LYRM4: variants seen among roughly 807,000 people sequenced by gnomAD.
LYRM4 encodes the protein LYR motif-containing protein 4.
A neutral mutation model predicts 11.7 loss-of-function variants in LYRM4; 9 were observed. The observed-to-expected ratio is 0.77, with a 90% CI of 0.46 to 1.34. The LOEUF is 1.34. Among genes scored for constraint, LYRM4 ranks in the 40% most tolerant of loss-of-function variants. LYRM4 has a pLI of 0.00. For synonymous variants in LYRM4, 42 were observed against 40.4 expected, an observed-to-expected ratio of 1.04 and a Z score of -0.15; for missense variants, 133 against 112.5, an observed-to-expected ratio of 1.18 and a Z score of -0.82.
At chr6:5,058,483 G>A in the LYRM4 span, among the ~76,000 whole-genome samples, 1 of 152,152 alleles carries the variant, frequency 6.6e-6, no homozygotes, top group Non-Finnish European at 1.5e-5. Flanking sequence ...ACCTGGGGGA[G>A]CTTCTGCACC....
chr6:5,157,498 C>T (rs1405770236), intron 2 of LYRM4, among the ~76,000 whole-genome samples: 1 of 146,842 alleles, frequency 6.8e-6, no homozygotes, highest in Non-Finnish European at 1.5e-5. Flanking sequence ...AGTACCTAAA[C>T]AGTATCTAAA....
chr6:5,115,619 C>T (rs1763083914), intron 2 of LYRM4, among the ~76,000 whole-genome samples: 1 of 152,026 alleles, frequency 6.6e-6, no homozygotes, highest in Non-Finnish European at 1.5e-5. Context: ...TGGGATCAGC[C>T]CCATGGAAAA....
intron 2 of LYRM4, among the ~76,000 whole-genome samples, chr6:5,154,960 T>C (rs1758323982): frequency 6.6e-6 from 1 of 152,162 alleles, no homozygotes; most frequent in African/African-American, 2.4e-5. Context: ...TAATAAACAA[T>C]GCCGTTCTAA....
chr6:5,162,294 C>T (rs1017028135), intron 2 of LYRM4, among the ~76,000 whole-genome samples: 2 of 152,176 alleles, frequency 1.3e-5, no homozygotes, highest in Non-Finnish European at 2.9e-5. Flanking sequence ...ATTTTACACC[C>T]ATTTCATTTA....
At chr6:5,168,415 T>C (rs1004181232) in intron 2 of LYRM4, among the ~76,000 whole-genome samples, 1 of 152,166 alleles carries the variant, frequency 6.6e-6, no homozygotes, top group African/African-American at 2.4e-5. Context: ...TGTGACAGAA[T>C]GGGAAGCACA....
chr6:5,119,794 CA>C (rs968606439), intron 2 of LYRM4, among the ~76,000 whole-genome samples: 1,425 of 16,836 alleles, frequency 0.085, 6 homozygotes, highest in Middle Eastern at 0.14. Flanking sequence ...GTCTCCATAA[CA>C]AAAAAAAAAA....
chr6:5,127,334 C>T (rs1480672302), intron 2 of LYRM4, among the ~76,000 whole-genome samples: 1 of 152,096 alleles, frequency 6.6e-6, no homozygotes, highest in Non-Finnish European at 1.5e-5. Context: ...ATCCACCTGC[C>T]TCGGCCTCCC....
chr6:5,206,205 C>A (rs1581504131), intron 2 of LYRM4, among the ~76,000 whole-genome samples: 1 of 152,210 alleles, frequency 6.6e-6, no homozygotes, highest in Non-Finnish European at 1.5e-5. Flanking sequence ...CATTTATTTT[C>A]AGAACCAGAA....
the LYRM4 span, among the ~76,000 whole-genome samples, chr6:5,046,743 C>T: frequency 6.8e-4 from 103 of 152,266 alleles, no homozygotes; most frequent in Non-Finnish European, 1.3e-3. Context: ...TTTCTAATGA[C>T]CTAGTCTGAG....
At chr6:5,221,735 T>G (rs1454096635) in intron 1 of LYRM4, among the ~76,000 whole-genome samples, 1 of 152,230 alleles carries the variant, frequency 6.6e-6, no homozygotes, top group Admixed American at 6.5e-5. Flanking sequence ...GTGCTCATGA[T>G]GACCAATACT....
At chr6:5,080,789 T>G in the LYRM4 span, among the ~76,000 whole-genome samples, 1 of 152,154 alleles carries the variant, frequency 6.6e-6, no homozygotes, top group East Asian at 1.9e-4. Flanking sequence ...ATTTCTGTTT[T>G]CAATGCAAAG....
intron 2 of LYRM4, among the ~76,000 whole-genome samples, chr6:5,122,756 T>C (rs901923741): frequency 1.3e-5 from 2 of 152,192 alleles, no homozygotes; most frequent in South Asian, 2.1e-4. Flanking sequence ...ATGCAAGAAA[T>C]GGTGGTGAAT....
chr6:5,049,765 G>T, the LYRM4 span, among the ~76,000 whole-genome samples: 1 of 151,956 alleles, frequency 6.6e-6, no homozygotes, highest in Non-Finnish European at 1.5e-5. Flanking sequence ...CACCTCCCGG[G>T]TTCAAACGAT....
At chr6:5,093,398 C>T in the LYRM4 span, among the ~76,000 whole-genome samples, 13 of 152,246 alleles carry the variant, frequency 8.5e-5, no homozygotes, top group Non-Finnish European at 1.0e-4. Context: ...GGGGATGGAA[C>T]GCCTGCCTTG....
the LYRM4 span, chr6:5,085,989 T>C: frequency 5.9e-6 from 9 of 1,525,640 alleles, no homozygotes; most frequent in Non-Finnish European, 7.9e-6. Context: ...GAAGCTTCCC[T>C]ATGCGTGCCG....
At chr6:5,195,974 T>C (rs752059057) in intron 2 of LYRM4, among the ~76,000 whole-genome samples, 2 of 152,222 alleles carry the variant, frequency 1.3e-5, no homozygotes, top group Admixed American at 6.5e-5. Context: ...CAAACCCTTA[T>C]ATTGCACTTA....
Position 5,109,605 on chromosome 6 carries a change from C to T in LYRM4, c.208-114G>A, listed in dbSNP as rs1157105810. 1.9e-6 allele frequency: 2 copies of T among 1,081,002 alleles called. 1 individual carries two copies. The highest frequency in any genetic ancestry group is 2.8e-5 in the South Asian group (2 of 72,410). The allele number at this position is 1,081,002 out of a possible 1,614,324, so 67.0% of individuals were successfully genotyped here. A position where few individuals can be genotyped will look rare whatever the true frequency, so the allele number is the denominator to read the frequency against. The stretch of plus-strand genomic sequence containing the variant: ...ACAAACGTCGGCCATCCCAGGGCTG[C>T]TCCCTTCCGGCAACTGCACTGCGGG... On this transcript the variant is annotated intron_variant, in intron 2 of 2. Transcript: ENST00000330636.
chr6:5,232,703 C>G (rs925298112), intron 1 of LYRM4, among the ~76,000 whole-genome samples: 2 of 152,190 alleles, frequency 1.3e-5, no homozygotes, highest in Non-Finnish European at 2.9e-5. Context: ...CACTAAAAAC[C>G]TCAGGGATCA....
intron 2 of LYRM4, among the ~76,000 whole-genome samples, chr6:5,186,332 C>T (rs557297626): frequency 2.0e-5 from 3 of 152,176 alleles, no homozygotes; most frequent in African/African-American, 2.4e-5. Context: ...CGTGGTAACT[C>T]GGAGCAAAGC....
Sources: gnomAD v4.1 joint callset for allele counts (sites outside exome capture counted in the v4.1 genomes callset) on GRCh38, gnomAD v4.1.1 for gene constraint, MANE v1.5 for transcripts, NCBI Gene and HGNC (gene_info 2026-07-23, HGNC 2026-07-21) for gene names.